The following KAZN variants were observed in gnomAD, a reference collection of about 807,000 sequenced individuals.
The protein encoded by KAZN is kazrin, periplakin interacting protein.
Under a neutral mutation model 87.4 loss-of-function variants are expected in KAZN, and 40 were observed. The ratio of observed to expected loss-of-function variants is 0.46; its 90% CI spans 0.36 to 0.60. KAZN has a LOEUF of 0.60. Among genes scored for constraint, KAZN ranks in the 20% least tolerant of loss-of-function variants. The pLI is 0.00. For synonymous variants in KAZN, 466 were observed against 458.3 expected (o/e 1.02, Z -0.22); for missense variants, 898 against 1,073.9 (o/e 0.84, Z 2.29).
At position 15,066,930 on chromosome 1, in the gene KAZN, C is replaced by T. The variant is rs1639265045; in HGVS notation, c.1222+1177C>T. The T allele has an allele frequency of 1.0e-6, 1 of 985,470 alleles. No homozygotes were observed. Among genetic ancestry groups the T allele is most frequent in the Non-Finnish European group, 1.2e-6 (1 of 829,954 alleles). The allele number at this position is 985,470 out of a possible 1,614,324, so 61.0% of individuals were successfully genotyped here. A position where few individuals can be genotyped will look rare whatever the true frequency, so the allele number is the denominator to read the frequency against. On this transcript the variant is annotated intron_variant, in intron 8 of 14. Transcript: ENST00000376030. The surrounding 1 kb of genome is among the most constrained non-coding windows in gnomAD (Gnocchi z 4.3). ...ATATTTATTTATCTGACATACAGAA[C>T]ACGACTTTAGTGAGCAGAGTGCTGA...
At chr1:15,051,590 C>A (rs922016049) in intron 4 of KAZN, among the ~76,000 whole-genome samples, 1 of 152,226 alleles carries the variant, frequency 6.6e-6, no homozygotes, top group Non-Finnish European at 1.5e-5. Context: ...AGCACTTTCC[C>A]AGCAACCATG....
At chr1:14,042,223 C>A (rs1641869094) in intron 1 of KAZN, among the ~76,000 whole-genome samples, 1 of 151,546 alleles carries the variant, frequency 6.6e-6, no homozygotes, top group African/African-American at 2.4e-5. Context: ...GCATAAATTT[C>A]TACTCCTTTT....
intron 1 of KAZN, among the ~76,000 whole-genome samples, chr1:14,906,329 C>T (rs539944692): frequency 1.3e-3 from 191 of 152,222 alleles, no homozygotes; most frequent in Non-Finnish European, 2.2e-3. Context: ...TTTTCTTTCT[C>T]GCCCTCTCTT....
At chr1:14,981,179 T>C (rs1455203953) in intron 2 of KAZN, among the ~76,000 whole-genome samples, 1 of 152,188 alleles carries the variant, frequency 6.6e-6, no homozygotes, top group African/African-American at 2.4e-5. Context: ...GAAAGTGGTG[T>C]GCCACAGCAT....
At position 14,996,579 on chromosome 1, in the gene KAZN, G is replaced by A. The variant is rs962891371; in HGVS notation, c.418+35704G>A. ...CCACACCTGCCTGCAGTGGGGAGAA[G>A]GCTTATGGCAACGCGTTTCTGCCGC... is the stretch of plus-strand genomic sequence containing the variant. On this transcript the variant is annotated intron_variant, in intron 2 of 14. Coordinates refer to ENST00000376030, the MANE Select transcript of KAZN (RefSeq NM_201628.3). The surrounding 1 kb of genome is among the most constrained non-coding windows in gnomAD (Gnocchi z 5.9). Among the ~76,000 whole-genome samples the A allele has an allele frequency of 3.3e-5, 5 of 152,230 alleles. No homozygotes were observed. The highest frequency in any genetic ancestry group is 6.5e-5 in the Admixed American group (1 of 15,286).
In KAZN at chr1:13,893,730, G is replaced by A. The variant is rs562411472; in HGVS notation, c.65G>A (p.Gly22Asp). The stretch of plus-strand genomic sequence containing the variant: ...CCCGTCACCTTCTCCCACGTCTTTG[G>A]TCAGCAGTGCCAACTTATGCAAGCA... The change falls in exon 1 of 17, where the codon GGT becomes GAT. Residue 22 changes from glycine (G) to aspartate (D), a missense_variant. Coordinates refer to the KAZN transcript ENST00000636203. The A allele has an allele frequency of 4.0e-5, 62 of 1,550,514 alleles. 1 individual carries two copies. In the South Asian group the frequency reaches 7.3e-4, roughly 18 times the overall value.
At chr1:13,912,593 A>G (rs1639692176) in intron 1 of KAZN, among the ~76,000 whole-genome samples, 1 of 151,486 alleles carries the variant, frequency 6.6e-6, no homozygotes, top group African/African-American at 2.4e-5. Context: ...TGTAAAAATG[A>G]AATCCTACCT....
In KAZN at chr1:14,923,243, G is replaced by A. The variant is rs1404061; in HGVS notation, c.227-37441G>A. On this transcript the variant is annotated intron_variant, in intron 1 of 14. Transcript: ENST00000376030. The surrounding 1 kb of genome is among the most constrained non-coding windows in gnomAD (Gnocchi z 4.2). ...GCTCCCGCGTGTCTACAACAGGGGG[G>A]AACTGGACCTGCCTCCTGGGGCTGT... Among the ~76,000 whole-genome samples, 111,162 of 152,096 alleles carry A rather than the reference G, an allele frequency of 0.73. 41,114 individuals carry two copies. The highest frequency in any genetic ancestry group is 0.87 in the East Asian group (4,481 of 5,166).
chr1:14,381,292 C>A (rs1375335640), intron 2 of KAZN, among the ~76,000 whole-genome samples: 1 of 152,066 alleles, frequency 6.6e-6, no homozygotes, highest in Non-Finnish European at 1.5e-5. Flanking sequence ...AGAGATGCAA[C>A]CTACAAGGAC....
At chr1:14,806,803 T>C (rs1261026225) in intron 1 of KAZN, among the ~76,000 whole-genome samples, 2 of 152,210 alleles carry the variant, frequency 1.3e-5, no homozygotes, top group East Asian at 3.8e-4. Flanking sequence ...TGGACTGAGA[T>C]GTGGCAGAAC....
At chr1:14,514,808 T>G (rs1671217209) in intron 2 of KAZN, among the ~76,000 whole-genome samples, 1 of 151,372 alleles carries the variant, frequency 6.6e-6, no homozygotes, top group South Asian at 2.1e-4. Context: ...ATTCATAAAA[T>G]GGAACTAATA....
At chr1:14,953,879 TTTTTTCTGCACC>T (rs1240276269) in intron 1 of KAZN, among the ~76,000 whole-genome samples, 1 of 152,200 alleles carries the variant, frequency 6.6e-6, no homozygotes, top group African/African-American at 2.4e-5. Flanking sequence ...CCTAAAGGAC[TTTTTTCTGCACC>T]TCACTGCCCA....
At chr1:13,940,532 G>C (rs1339497182) in intron 1 of KAZN, among the ~76,000 whole-genome samples, 1 of 152,010 alleles carries the variant, frequency 6.6e-6, no homozygotes, top group East Asian at 1.9e-4. Context: ...TCTCTCTTCA[G>C]TTCTAGTTTT....
At chr1:13,995,139 G>A (rs1027106720) in intron 1 of KAZN, among the ~76,000 whole-genome samples, 1 of 150,512 alleles carries the variant, frequency 6.6e-6, no homozygotes, top group Non-Finnish European at 1.5e-5. Flanking sequence ...AATATTAAAA[G>A]ACTTTGCCTT....
intron 2 of KAZN, among the ~76,000 whole-genome samples, chr1:14,264,809 TC>T (rs1651347620): frequency 6.6e-6 from 1 of 152,206 alleles, no homozygotes; most frequent in African/African-American, 2.4e-5. Flanking sequence ...TCTCTCTGAC[TC>T]CAAACAAATA....
At chr1:14,623,496 G>A (rs1006415361) in intron 1 of KAZN, among the ~76,000 whole-genome samples, 37 of 152,298 alleles carry the variant, frequency 2.4e-4, no homozygotes, top group Middle Eastern at 3.4e-3. Flanking sequence ...AGGGAGAGGA[G>A]CAGAAAGGAT....
intron 1 of KAZN, among the ~76,000 whole-genome samples, chr1:14,114,277 G>C (rs181547759): frequency 6.6e-6 from 1 of 152,136 alleles, no homozygotes; most frequent in African/African-American, 2.4e-5. Flanking sequence ...CAGCTGCTGC[G>C]TGGGGGGCCG....
chr1:14,484,117 T>C (rs1228123424), intron 2 of KAZN, among the ~76,000 whole-genome samples: 1 of 152,228 alleles, frequency 6.6e-6, no homozygotes, highest in East Asian at 1.9e-4. Context: ...GTTCTGACGG[T>C]CTATGTGTCT....
At chr1:13,973,146 A>T (rs926369784) in intron 1 of KAZN, among the ~76,000 whole-genome samples, 11 of 152,034 alleles carry the variant, frequency 7.2e-5, no homozygotes, top group African/African-American at 2.2e-4. Context: ...AACATCTATA[A>T]AACAGTGATC....
Sources: allele counts gnomAD v4.1 joint callset (sites outside exome capture counted in the v4.1 genomes callset), GRCh38; gene constraint gnomAD v4.1.1; non-coding constraint Gnocchi (gnomAD v3.1); transcripts MANE v1.5; gene names NCBI Gene and HGNC (gene_info 2026-07-23, HGNC 2026-07-21).